ARAP2: variants seen among roughly 807,000 people sequenced by gnomAD.
ARAP2 encodes ArfGAP with RhoGAP domain, ankyrin repeat and PH domain 2, also known as arf-GAP with Rho-GAP domain, ANK repeat and PH domain-containing protein 2.
In ARAP2, 148 loss-of-function variants were observed where a neutral mutation model predicts 194.5. The observed-to-expected ratio is 0.76, with a 90% CI of 0.67 to 0.87. The LOEUF is 0.87. ARAP2 is among the 40% of genes least tolerant of loss of function. The pLI, the probability that ARAP2 is intolerant of heterozygous loss-of-function variation, is 0.00. For synonymous variants in ARAP2, 695 were observed against 683.5 expected, an observed-to-expected ratio of 1.02 and a Z score of -0.26; for missense variants, 2,128 against 1,989.7, an observed-to-expected ratio of 1.07 and a Z score of -1.32.
rs1217980381 is a variant in ARAP2, at chr4:36,066,350, C to G, written c.*1557G>C. On this transcript the variant is annotated 3_prime_UTR_variant, in exon 33 of 33. Coordinates refer to ENST00000303965, the MANE Select transcript of ARAP2 (RefSeq NM_015230.4). ...CTAATAGTGCCACCTATTTCATAAACTGTCCTGCAGTTTTGTGCTTTTTAA... is the reference window on the plus strand; with the variant it reads ...CTAATAGTGCCACCTATTTCATAAAGTGTCCTGCAGTTTTGTGCTTTTTAA... 1 of 152,110 alleles carries G rather than the reference C, an allele frequency of 6.6e-6. No homozygotes were observed. The highest frequency in any genetic ancestry group is 1.5e-5 in the Non-Finnish European group (1 of 68,010). The allele number at this position is 152,110 out of a possible 1,614,324, so 9.4% of individuals were successfully genotyped here. A position where few individuals can be genotyped will look rare whatever the true frequency, so the allele number is the denominator to read the frequency against.
At chr4:36,176,877 T>TA (rs1738053894) in intron 9 of ARAP2, among the ~76,000 whole-genome samples, 1 of 152,034 alleles carries the variant, frequency 6.6e-6, no homozygotes, top group Non-Finnish European at 1.5e-5. Context: ...ATTTTTCTTA[T>TA]AAAAAATAGT....
intron 1 of ARAP2, among the ~76,000 whole-genome samples, chr4:36,231,383 G>A (rs1448352299): frequency 1.3e-5 from 2 of 151,594 alleles, no homozygotes; most frequent in East Asian, 1.9e-4. Flanking sequence ...AAAAAGAAAA[G>A]TTACACAACA....
intron 19 of ARAP2, among the ~76,000 whole-genome samples, chr4:36,141,126 T>C (rs932482472): frequency 6.6e-6 from 1 of 151,676 alleles, no homozygotes; most frequent in African/African-American, 2.4e-5. Flanking sequence ...AAAGATGTAA[T>C]TTCTTGAACA....
intron 25 of ARAP2, among the ~76,000 whole-genome samples, chr4:36,115,829 T>C (rs935830570): frequency 4.6e-5 from 7 of 152,044 alleles, no homozygotes; most frequent in African/African-American, 1.4e-4. Flanking sequence ...GTTTTTGTTA[T>C]TTTCTAAAGA....
intron 6 of ARAP2, among the ~76,000 whole-genome samples, 186 bp downstream of exon 6, chr4:36,210,204 A>G (rs940123411): frequency 2.0e-5 from 3 of 152,150 alleles, no homozygotes; most frequent in Non-Finnish European, 1.5e-5. Context: ...TGCATTGCAC[A>G]TCTCTCTCCT....
chr4:36,095,641 C>T (rs751469752), intron 27 of ARAP2, among the ~76,000 whole-genome samples: 4 of 152,130 alleles, frequency 2.6e-5, no homozygotes, highest in South Asian at 2.1e-4. Flanking sequence ...ATGTGCCACA[C>T]GTAGAAATCA....
chr4:36,051,232 T>C (rs1722606439), intron 3 of ARAP2, among the ~76,000 whole-genome samples: 1 of 152,198 alleles, frequency 6.6e-6, no homozygotes, highest in Non-Finnish European at 1.5e-5. Flanking sequence ...CCAGGCCCGG[T>C]GGCTCAAGCC....
intron 5 of ARAP2, among the ~76,000 whole-genome samples, chr4:36,022,006 A>G (rs1717033467): frequency 6.6e-6 from 1 of 152,170 alleles, no homozygotes; most frequent in Admixed American, 6.6e-5. Flanking sequence ...CCTTCACAGC[A>G]TGGTACTGCA....
In ARAP2 at chr4:36,165,104, G is replaced by A. The variant is rs754227661; in HGVS notation, c.1983C>T (p.Ala661=). The A allele has an allele frequency of 2.8e-5, 45 of 1,613,814 alleles. No homozygotes were observed. The highest frequency in any genetic ancestry group is 3.0e-5 in the Non-Finnish European group (35 of 1,179,864). The stretch of plus-strand genomic sequence containing the variant: ...AGTCTTGTTTCTCCTTTTCAGTCTC[G>A]GCTGTAAAGCTGAAACAATTAACGT... ...ITPYRSFSFT[A]ETEKEKQDWI... Residue 661 remains alanine, a synonymous_variant, in exon 11 of 33, where the codon GCC becomes GCT. Transcript: ENST00000303965.
intron 27 of ARAP2, among the ~76,000 whole-genome samples, chr4:36,096,374 A>AAAAAAAAAAAAAAAAAAAAAG (rs796310005): frequency 1.4e-5 from 2 of 142,078 alleles, no homozygotes; most frequent in East Asian, 2.0e-4. Context: ...AAAAAAAAAA[A>AAAAAAAAAAAAAAAAAAAAAG]AAAAAAGAAA....
At position 36,128,634 on chromosome 4, in the gene ARAP2, T is replaced by C. The variant is rs766714781; in HGVS notation, c.3539A>G (p.His1180Arg). The C allele has an allele frequency of 1.2e-6, 2 of 1,613,056 alleles. No individual in the cohort carries two copies. Among genetic ancestry groups the C allele is most frequent in the Non-Finnish European group, 1.7e-6 (2 of 1,179,506 alleles). The part of the protein sequence containing the change: ...ARSFKLRAGK[H>R]QLEDVTAVLK... ...CACAGCCGTCACATCTTCAAGCTGA[T>C]GTTTTCCAGCCCTCAATTTAAAGCT... Residue 1180 changes from histidine to arginine, a missense_variant, in exon 21 of 33, where the codon CAT (histidine) becomes CGT (arginine). Transcript: ENST00000303965.
intron 6 of ARAP2, among the ~76,000 whole-genome samples, chr4:36,202,500 A>T (rs1744582777): frequency 6.6e-6 from 1 of 152,126 alleles, no homozygotes; most frequent in Non-Finnish European, 1.5e-5. Flanking sequence ...GAGAAGAAAA[A>T]AAAAAAGGTA....
chr4:36,068,714 C>T (rs183816095), intron 32 of ARAP2, among the ~76,000 whole-genome samples: 26 of 152,290 alleles, frequency 1.7e-4, no homozygotes, highest in East Asian at 1.4e-3. Flanking sequence ...GATGATTCTG[C>T]CCCGCTGTAG....
chr4:36,192,779 T>C (rs1016019369), intron 7 of ARAP2, among the ~76,000 whole-genome samples: 1 of 152,196 alleles, frequency 6.6e-6, no homozygotes, highest in Non-Finnish European at 1.5e-5. Context: ...GGCAGATCAC[T>C]TGAGATCAGA....
intron 9 of ARAP2, among the ~76,000 whole-genome samples, chr4:36,177,389 T>C (rs1357808346): frequency 6.6e-6 from 1 of 152,106 alleles, no homozygotes; most frequent in Non-Finnish European, 1.5e-5. Context: ...ACCAATAATA[T>C]TCTGTAAACT....
intron 1 of ARAP2, 87 bp downstream of exon 1, chr4:36,244,092 C>T (rs1754139268): frequency 6.6e-6 from 1 of 152,214 alleles, no homozygotes; most frequent in African/African-American, 2.4e-5. Flanking sequence ...GGTGAAGTGT[C>T]GAAAAGCCCC....
chr4:36,150,384 G>A (rs1284138051), intron 16 of ARAP2, among the ~76,000 whole-genome samples: 11 of 152,068 alleles, frequency 7.2e-5, no homozygotes, highest in Non-Finnish European at 1.5e-4. Flanking sequence ...GGTGGCTCAC[G>A]CCTGTAATCC....
chr4:36,139,080 T>G (rs1471504225), intron 19 of ARAP2, among the ~76,000 whole-genome samples: 1 of 144,278 alleles, frequency 6.9e-6, no homozygotes, highest in Non-Finnish European at 1.6e-5. Flanking sequence ...CACGTGTATT[T>G]TGAATAGTAC....
intron 1 of ARAP2, among the ~76,000 whole-genome samples, chr4:36,243,126 T>G (rs1753858364): frequency 6.6e-6 from 1 of 152,074 alleles, no homozygotes; most frequent in South Asian, 2.1e-4. Context: ...TATTTCTCTT[T>G]TTTTCCTTAA....
Sources: allele counts gnomAD v4.1 joint callset (sites outside exome capture counted in the v4.1 genomes callset), GRCh38; gene constraint gnomAD v4.1.1; transcripts MANE v1.5; gene names NCBI Gene and HGNC (gene_info 2026-07-23, HGNC 2026-07-21).